Variants in ITIH5 observed in about 807,000 individuals in gnomAD.
ITIH5 encodes the protein inter-alpha-trypsin inhibitor heavy chain H5.
Under a neutral mutation model 77.5 loss-of-function variants are expected in ITIH5, and 65 were observed. That is an observed-to-expected ratio of 0.84 (90% CI 0.69 to 1.03). ITIH5 has a LOEUF of 1.03. Among genes scored for constraint, ITIH5 ranks in the 50% least tolerant of loss-of-function variants. ITIH5 has a pLI of 0.00. For missense variants in ITIH5, 1,208 were observed against 1,213.1 expected, an observed-to-expected ratio of 1.00 and a Z score of 0.06; for synonymous variants, 525 against 494.3, an observed-to-expected ratio of 1.06 and a Z score of -0.82.
chr10:7,580,056 T>A lies in ITIH5; in HGVS notation c.1117A>T (p.Ile373Phe). The change falls in exon 9 of 14, where the codon ATC (isoleucine) becomes TTC (phenylalanine). Residue 373 changes from isoleucine to phenylalanine, a missense_variant. Coordinates refer to ENST00000397146, the MANE Select transcript of ITIH5 (RefSeq NM_030569.7). Reference protein sequence around the residue: ...HHMSPTGGTDINGALQRAIRL... With the variant: ...HHMSPTGGTDFNGALQRAIRL... Reference sequence around the variant, plus strand: ...ATGGCCCTCTGCAGGGCCCCGTTGATGTCTGTGCCTGCAGGACACCAACAC... The same window carrying A: ...ATGGCCCTCTGCAGGGCCCCGTTGAAGTCTGTGCCTGCAGGACACCAACAC... 2 of 1,599,680 alleles carry A rather than the reference T, an allele frequency of 1.3e-6. No homozygotes were observed. The highest frequency in any genetic ancestry group is 1.7e-6 in the Non-Finnish European group (2 of 1,175,146).
chr10:7,656,082 G>A (rs1335436733), intron 1 of ITIH5, among the ~76,000 whole-genome samples: 1 of 152,072 alleles, frequency 6.6e-6, no homozygotes, highest in African/African-American at 2.4e-5. Flanking sequence ...TAATTCCAGT[G>A]GGCTCACTAT....
intron 2 of ITIH5, among the ~76,000 whole-genome samples, chr10:7,646,140 G>A (rs61834800): frequency 6.6e-6 from 1 of 152,024 alleles, no homozygotes; most frequent in Non-Finnish European, 1.5e-5. Context: ...GAAGCATCTA[G>A]AATACCACTG....
At chr10:7,565,619 A>C (rs1832134500) in intron 13 of ITIH5, among the ~76,000 whole-genome samples, 1 of 148,688 alleles carries the variant, frequency 6.7e-6, no homozygotes, top group Admixed American at 6.8e-5. Flanking sequence ...ATAATACATT[A>C]TGTATATGTA....
At chr10:7,640,981 AT>A (rs1833876717) in intron 3 of ITIH5, 126 bp from the exon 4 acceptor site, 7 of 745,304 alleles carry the variant, frequency 9.4e-6, no homozygotes, top group Middle Eastern at 2.3e-4. Context: ...GAAAGAATGC[AT>A]TCCAGACTAG....
intron 11 of ITIH5, among the ~76,000 whole-genome samples, chr10:7,572,595 C>T (rs1032121170): frequency 6.6e-6 from 1 of 152,050 alleles, no homozygotes; most frequent in Admixed American, 6.6e-5. Context: ...ATATAGCTCA[C>T]TGCAGCCTCA....
intron 8 of ITIH5, 29 bp downstream of exon 8, chr10:7,585,872 C>A: frequency 1.9e-6 from 3 of 1,541,042 alleles, no homozygotes; most frequent in South Asian, 1.2e-5. Flanking sequence ...CAAAGCCAAG[C>A]CAATGTGAAA....
chr10:7,586,616 G>A (rs11255209), intron 7 of ITIH5, among the ~76,000 whole-genome samples: 1 of 151,912 alleles, frequency 6.6e-6, no homozygotes, highest in African/African-American at 2.4e-5. Flanking sequence ...CTTCCTAACA[G>A]CTAGTGACAA....
chr10:7,635,764 G>C (rs1261374292), intron 5 of ITIH5, among the ~76,000 whole-genome samples: 1 of 152,054 alleles, frequency 6.6e-6, no homozygotes, highest in African/African-American at 2.4e-5. Flanking sequence ...TCTAGGCCTT[G>C]GTTATTTTTG....
At chr10:7,640,436 CACTGCACTCCAGCCTGGG>C in intron 4 of ITIH5, among the ~76,000 whole-genome samples, 1 of 147,042 alleles carries the variant, frequency 6.8e-6, no homozygotes, top group East Asian at 2.0e-4. Context: ...ATGATTGCAC[CACTGCACTCCAGCCTGGG>C]CAAAGAGTGA....
At chr10:7,623,119 A>G (rs1833500294) in intron 5 of ITIH5, among the ~76,000 whole-genome samples, 1 of 151,028 alleles carries the variant, frequency 6.6e-6, no homozygotes, top group Admixed American at 6.6e-5. Context: ...GAAGAGCCCC[A>G]TGCTCACAGC....
chr10:7,644,646 T>TATATATCAC lies in ITIH5; in HGVS notation c.136-2565_136-2557dup, dbSNP rs1564277808. Reference sequence around the variant, plus strand: ...TATCACATATATCACATATATATCATATATATCACATATATATCATATATA... The same window carrying TATATATCAC: ...TATCACATATATCACATATATATCATATATATCACATATATCACATATATATCATATATA... On this transcript the variant is annotated intron_variant, in intron 2 of 13. Coordinates refer to ENST00000397146, the MANE Select transcript of ITIH5 (RefSeq NM_030569.7). Among the ~76,000 whole-genome samples, 7 of 88,112 alleles carry TATATATCAC rather than the reference T, an allele frequency of 7.9e-5. No individual in the cohort carries two copies. The East Asian group carries it at 8.3e-4, about 10-fold the overall frequency. The allele number at this position is 88,112 out of a possible 152,430, so 57.8% of individuals were successfully genotyped here.
At chr10:7,569,422 C>T in intron 12 of ITIH5, 1 of 397,320 alleles carries the variant, frequency 2.5e-6, no homozygotes, top group Non-Finnish European at 4.5e-6. Flanking sequence ...GAGAGTGTTC[C>T]TATCTCCATT....
intron 7 of ITIH5, among the ~76,000 whole-genome samples, chr10:7,591,591 C>T (rs1009125504): frequency 6.6e-6 from 1 of 152,188 alleles, no homozygotes; most frequent in African/African-American, 2.4e-5. Flanking sequence ...AAGACCCTTG[C>T]ACCTGCTGTT....
intron 5 of ITIH5, among the ~76,000 whole-genome samples, chr10:7,633,186 T>A (rs1334723): frequency 0.21 from 32,165 of 152,144 alleles, 4,583 homozygotes; most frequent in African/African-American, 0.41. Context: ...GGAGAGACAG[T>A]AGAGACAGGG....
rs1005256951 is a variant in ITIH5 at position 7,628,913 on chromosome 10, TATC to T, written c.652+8312_652+8314del. ...TCCGTGTTGTGGCATGCATCCATGT[TATC>T]ATATGTATCTGTGTTTTCACATGTG... On this transcript the variant is annotated intron_variant, in intron 5 of 13. Coordinates refer to ENST00000397146, the MANE Select transcript of ITIH5 (RefSeq NM_030569.7). Among the ~76,000 whole-genome samples the T allele has an allele frequency of 6.5e-5, 9 of 138,594 alleles. 1 individual carries two copies. Among genetic ancestry groups the T allele is most frequent in the Non-Finnish European group, 1.1e-4 (7 of 61,368 alleles). The allele number at this position is 138,594 out of a possible 152,430, so 90.9% of individuals were successfully genotyped here. A position where few individuals can be genotyped will look rare whatever the true frequency, so the allele number is the denominator to read the frequency against.
chr10:7,616,704 T>C (rs1833374283), intron 6 of ITIH5, among the ~76,000 whole-genome samples: 1 of 152,088 alleles, frequency 6.6e-6, no homozygotes, highest in South Asian at 2.1e-4. Flanking sequence ...GGTGGGTGCC[T>C]GTAATCTCAG....
intron 2 of ITIH5, among the ~76,000 whole-genome samples, chr10:7,642,970 G>T (rs1245798649): frequency 6.6e-6 from 1 of 152,242 alleles, no homozygotes; most frequent in Non-Finnish European, 1.5e-5. Flanking sequence ...CCTACTATGG[G>T]AGGTGGTGGG....
intron 7 of ITIH5, among the ~76,000 whole-genome samples, chr10:7,611,412 A>T (rs1833241607): frequency 1.3e-5 from 2 of 152,326 alleles, no homozygotes; most frequent in East Asian, 3.9e-4. Flanking sequence ...TTTTCTCTGG[A>T]TAATTTGGGG....
intron 2 of ITIH5, among the ~76,000 whole-genome samples, chr10:7,648,087 A>G (rs568167470): frequency 6.6e-6 from 1 of 152,076 alleles, no homozygotes; most frequent in East Asian, 1.9e-4. Context: ...ACTAAAAAAA[A>G]AAAAAAATAC....
Sources: allele counts gnomAD v4.1 joint callset (sites outside exome capture counted in the v4.1 genomes callset), GRCh38; gene constraint gnomAD v4.1.1; transcripts MANE v1.5; gene names NCBI Gene and HGNC (gene_info 2026-07-23, HGNC 2026-07-21).